TMEM117: variants seen among roughly 807,000 people sequenced by gnomAD.
The protein encoded by TMEM117 is transmembrane protein 117.
A neutral mutation model predicts 52.4 loss-of-function variants in TMEM117; 27 were observed. That is an observed-to-expected ratio of 0.51 (90% CI 0.38 to 0.71). The LOEUF (loss-of-function observed/expected upper bound fraction) is 0.71. Among genes scored for constraint, TMEM117 ranks in the 30% least tolerant of loss-of-function variants. The pLI, the probability that TMEM117 is intolerant of heterozygous loss-of-function variation, is 0.00. For missense variants in TMEM117, 556 were observed against 630.5 expected, an observed-to-expected ratio of 0.88 and a Z score of 1.26; for synonymous variants, 215 against 206.3, an observed-to-expected ratio of 1.04 and a Z score of -0.36.
At chr12:44,157,624 A>G (rs1948844193) in intron 4 of TMEM117, among the ~76,000 whole-genome samples, 1 of 152,136 alleles carries the variant, frequency 6.6e-6, no homozygotes, top group Non-Finnish European at 1.5e-5. Context: ...TGAATTATAA[A>G]TATACCTGAT....
At chr12:44,125,275 T>C (rs959607742) in intron 3 of TMEM117, among the ~76,000 whole-genome samples, 3 of 152,012 alleles carry the variant, frequency 2.0e-5, no homozygotes, top group African/African-American at 7.2e-5. Context: ...CGGCTAATTC[T>C]TTTTTGTATT....
At chr12:43,858,636 C>T (rs1943438553) in intron 2 of TMEM117, among the ~76,000 whole-genome samples, 2 of 152,136 alleles carry the variant, frequency 1.3e-5, no homozygotes, top group Non-Finnish European at 2.9e-5. Context: ...TCTTAGGCTA[C>T]TCCATGCTTG....
intron 2 of TMEM117, among the ~76,000 whole-genome samples, chr12:43,898,585 A>T (rs2137498867): frequency 6.6e-6 from 1 of 152,182 alleles, no homozygotes; most frequent in Admixed American, 6.5e-5. Flanking sequence ...GGATACAGGA[A>T]AAAAGTGCCT....
chr12:44,120,173 G>A (rs1948210196), intron 3 of TMEM117, among the ~76,000 whole-genome samples: 1 of 151,902 alleles, frequency 6.6e-6, no homozygotes, highest in Non-Finnish European at 1.5e-5. Context: ...CAGAAGAAAG[G>A]GGATGATTTA....
At chr12:44,069,516 A>G (rs1947269366) in intron 3 of TMEM117, among the ~76,000 whole-genome samples, 1 of 152,134 alleles carries the variant, frequency 6.6e-6, no homozygotes, top group Non-Finnish European at 1.5e-5. Context: ...CAAGAAGCTT[A>G]TTTTGGCTGG....
the TMEM117 span, among the ~76,000 whole-genome samples, chr12:43,824,608 G>C: frequency 1.3e-5 from 2 of 152,190 alleles, no homozygotes; most frequent in African/African-American, 4.8e-5. Context: ...CTAGCGTGGG[G>C]CCTTGGATGC....
chr12:44,176,706 C>G (rs927533247), intron 4 of TMEM117, among the ~76,000 whole-genome samples: 7 of 152,060 alleles, frequency 4.6e-5, no homozygotes, highest in Non-Finnish European at 1.0e-4. Context: ...AAATATTTTT[C>G]CCTTTAAAAA....
chr12:44,145,812 C>G (rs1948634900), intron 4 of TMEM117, among the ~76,000 whole-genome samples: 1 of 152,186 alleles, frequency 6.6e-6, no homozygotes, highest in Non-Finnish European at 1.5e-5. Context: ...CTGAACCTGA[C>G]AAAAGTTAGA....
At chr12:43,969,600 G>T (rs1412766016) in intron 3 of TMEM117, among the ~76,000 whole-genome samples, 1 of 151,900 alleles carries the variant, frequency 6.6e-6, no homozygotes, top group African/African-American at 2.4e-5. Flanking sequence ...CATTCAACTT[G>T]TACTTCTTCC....
chr12:43,846,127 G>A (rs2137360222), intron 2 of TMEM117, among the ~76,000 whole-genome samples: 1 of 151,836 alleles, frequency 6.6e-6, no homozygotes, highest in African/African-American at 2.4e-5. Context: ...ATTGGCTTTA[G>A]GATGTTTATT....
downstream of TMEM117, among the ~76,000 whole-genome samples, chr12:44,394,602 CA>C (rs1031595539): frequency 6.6e-6 from 1 of 152,182 alleles, no homozygotes; most frequent in African/African-American, 2.4e-5. Context: ...ACTTATTCCT[CA>C]AGGTTTCCTA....
chr12:44,265,322 TAAGGTAGGGTATTCGG>T (rs1950364920), intron 5 of TMEM117, among the ~76,000 whole-genome samples: 1 of 135,184 alleles, frequency 7.4e-6, no homozygotes, highest in Non-Finnish European at 1.7e-5. Context: ...GTAGTGGGGC[TAAGGTAGGGTATTCGG>T]ATTTCATTCT....
At chr12:44,166,114 G>A (rs901844839) in intron 4 of TMEM117, among the ~76,000 whole-genome samples, 3 of 152,144 alleles carry the variant, frequency 2.0e-5, no homozygotes, top group African/African-American at 7.2e-5. Flanking sequence ...GTGTGCTCCT[G>A]AATGACCATT....
chr12:44,340,200 C>T (rs1951398592), intron 6 of TMEM117, among the ~76,000 whole-genome samples: 1 of 151,978 alleles, frequency 6.6e-6, no homozygotes, highest in African/African-American at 2.4e-5. Flanking sequence ...TGGATCACAA[C>T]CTGACTCCTT....
chr12:43,848,559 G>T (rs1943252088), intron 2 of TMEM117, among the ~76,000 whole-genome samples: 1 of 152,106 alleles, frequency 6.6e-6, no homozygotes. Flanking sequence ...CAGGCAGTCA[G>T]ACCTTATGGT....
chr12:44,253,473 C>T (rs1343058907), intron 5 of TMEM117, among the ~76,000 whole-genome samples: 2 of 152,118 alleles, frequency 1.3e-5, no homozygotes, highest in African/African-American at 4.8e-5. Flanking sequence ...TAAGAAAAGA[C>T]CCGATATGAG....
At chr12:44,382,386 C>T (rs1592732209) in intron 7 of TMEM117, among the ~76,000 whole-genome samples, 1 of 152,098 alleles carries the variant, frequency 6.6e-6, no homozygotes, top group South Asian at 2.1e-4. Context: ...TTAGCTATGT[C>T]GTGGAATTCA....
intron 6 of TMEM117, among the ~76,000 whole-genome samples, chr12:44,307,972 ATGATATAGATGACAGTTGAAAC>A (rs1463972365): frequency 6.6e-6 from 1 of 152,246 alleles, no homozygotes; most frequent in Non-Finnish European, 1.5e-5. Flanking sequence ...TGGTTAGCAT[ATGATATAGATGACAGTTGAAAC>A]TGATAGTAAA....
intron 3 of TMEM117, among the ~76,000 whole-genome samples, chr12:43,968,530 A>G (rs969981282): frequency 5.9e-5 from 9 of 152,342 alleles, no homozygotes; most frequent in African/African-American, 2.2e-4. Flanking sequence ...TTGGCAGGTA[A>G]CACCATTTTT....
Sources: allele counts gnomAD v4.1 joint callset (sites outside exome capture counted in the v4.1 genomes callset), GRCh38; gene constraint gnomAD v4.1.1; transcripts MANE v1.5; gene names NCBI Gene and HGNC (gene_info 2026-07-23, HGNC 2026-07-21).